ABCA4: variants seen among roughly 807,000 people sequenced by gnomAD.
ABCA4 encodes ATP binding cassette subfamily A member 4.
Under a neutral mutation model 263.7 loss-of-function variants are expected in ABCA4, and 196 were observed. That is an observed-to-expected ratio of 0.74 (90% confidence interval 0.66 to 0.84). The LOEUF (loss-of-function observed/expected upper bound fraction) is 0.84, where lower values mean the gene tolerates loss of function less well. Ranked by LOEUF, ABCA4 falls within the 40% of genes least tolerant of loss-of-function variation. The pLI is 0.00. For missense variants in ABCA4, 2,792 were observed against 2,855.1 expected, an observed-to-expected ratio of 0.98 and a Z score of 0.50; for synonymous variants, 1,133 against 1,094.2, an observed-to-expected ratio of 1.04 and a Z score of -0.70.
At chr1:94,109,145 G>A (rs760091647) in intron 3 of ABCA4, among the ~76,000 whole-genome samples, 4 of 146,240 alleles carry the variant, frequency 2.7e-5, no homozygotes, top group Non-Finnish European at 6.0e-5. Context: ...ATACTGCCAA[G>A]GCAGGAGAAA....
intron 30 of ABCA4, among the ~76,000 whole-genome samples, chr1:94,028,620 C>T (rs944345414): frequency 6.6e-5 from 10 of 152,108 alleles, no homozygotes; most frequent in Non-Finnish European, 1.2e-4. Context: ...TTTAAAGTAA[C>T]TTTAGGCCAG....
At chr1:94,037,609 T>G (rs1660377485) in intron 24 of ABCA4, among the ~76,000 whole-genome samples, 3 of 149,512 alleles carry the variant, frequency 2.0e-5, no homozygotes, top group African/African-American at 4.9e-5. Context: ...GGGGCGGAGG[T>G]TGGTGGGGGG....
intron 31 of ABCA4, among the ~76,000 whole-genome samples, chr1:94,024,475 C>A (rs948521549): frequency 1.3e-5 from 2 of 152,200 alleles, no homozygotes; most frequent in African/African-American, 4.8e-5. Context: ...CTCGCCCTGG[C>A]GTGTGCTGGA....
chr1:94,094,150 AC>A (rs1662052919), intron 6 of ABCA4, among the ~76,000 whole-genome samples: 2 of 152,166 alleles, frequency 1.3e-5, no homozygotes, highest in Admixed American at 6.5e-5. Context: ...GCTTTCCCAG[AC>A]ACTTGACGTA....
At chr1:94,053,342 T>C (rs182192443) in intron 16 of ABCA4, among the ~76,000 whole-genome samples, 143 of 152,294 alleles carry the variant, frequency 9.4e-4, no homozygotes, top group African/African-American at 3.2e-3. Context: ...CAGAATTCAA[T>C]TGAATTCTTG....
chr1:94,099,079 G>A, intron 5 of ABCA4, 88 bp from the exon 6 acceptor site: 1 of 1,354,214 alleles, frequency 7.4e-7, no homozygotes, highest in Non-Finnish European at 1.0e-6. Flanking sequence ...AATACCTTGT[G>A]TTACATGGCG....
chr1:94,043,488 G>C lies in ABCA4; in HGVS notation c.3051-13C>G. On this transcript the variant is annotated splice_polypyrimidine_tract_variant and intron_variant, in intron 20 of 49. Coordinates refer to ENST00000370225, the MANE Select transcript of ABCA4 (RefSeq NM_000350.3). Reference sequence around the variant, plus strand: ...AGCCACCGTGAGGCTAGGAGGATGGGACAACGAGAAAAGCAGTGGCTTAGC... The same window carrying C: ...AGCCACCGTGAGGCTAGGAGGATGGCACAACGAGAAAAGCAGTGGCTTAGC... 1.2e-6 allele frequency: 2 copies of C among 1,614,092 alleles called. No homozygotes were observed. Among genetic ancestry groups the C allele is most frequent in the African/African-American group, 2.7e-5 (2 of 75,034 alleles).
intron 17 of ABCA4, among the ~76,000 whole-genome samples, 186 bp from the exon 18 acceptor site, chr1:94,049,143 T>G (rs1409285969): frequency 6.6e-6 from 1 of 152,174 alleles, no homozygotes; most frequent in Non-Finnish European, 1.5e-5. Context: ...AACAGGAGCT[T>G]CAGACTTGGA....
chr1:94,057,235 A>G (rs895906361), intron 14 of ABCA4, among the ~76,000 whole-genome samples: 1 of 152,176 alleles, frequency 6.6e-6, no homozygotes, highest in Non-Finnish European at 1.5e-5. Flanking sequence ...GCCCTGAACC[A>G]CTTGTGATCT....
intron 16 of ABCA4, among the ~76,000 whole-genome samples, chr1:94,053,505 G>A (rs1660894471): frequency 6.6e-6 from 1 of 152,210 alleles, no homozygotes; most frequent in Non-Finnish European, 1.5e-5. Flanking sequence ...TAGGAACAGG[G>A]TCATTGCAGA....
chr1:94,066,358 G>C (rs1015212185), intron 11 of ABCA4, among the ~76,000 whole-genome samples: 1 of 152,216 alleles, frequency 6.6e-6, no homozygotes, highest in Non-Finnish European at 1.5e-5. Flanking sequence ...AAGATAAGTA[G>C]TCAAATAATC....
intron 7 of ABCA4, among the ~76,000 whole-genome samples, chr1:94,081,111 G>A (rs140719187): frequency 6.6e-6 from 1 of 152,106 alleles, no homozygotes; most frequent in Non-Finnish European, 1.5e-5. Context: ...TGTACTCCCA[G>A]CTATTCGGGA....
intron 1 of ABCA4, 86 bp downstream of exon 1, chr1:94,120,894 C>CCCCCAA: frequency 2.4e-5 from 15 of 625,636 alleles, no homozygotes; most frequent in East Asian, 6.6e-5. Context: ...CCTGCCCCAC[C>CCCCCAA]ACCCTACCCC....
In ABCA4 at chr1:94,007,725, C is replaced by T. The variant is rs61753035; in HGVS notation, c.5914G>A (p.Gly1972Arg). Reference protein sequence around the residue: ...VRPGECFGLLGVNGAGKTTTF... With the variant: ...VRPGECFGLLRVNGAGKTTTF... ...GTTGTTTTGCCGGCACCATTCACTC[C>T]CAGGAGGCCAAAGCACTAGGAGAAA... Residue 1972 changes from glycine (G) to arginine (R), a missense_variant, in exon 43 of 50, where the codon GGA becomes AGA. Transcript: ENST00000370225. 6.2e-7 allele frequency: 1 copy of T among 1,613,892 alleles called. No individual in the cohort carries two copies. Among genetic ancestry groups the T allele is most frequent in the South Asian group, 1.1e-5 (1 of 91,086 alleles).
intron 6 of ABCA4, among the ~76,000 whole-genome samples, chr1:94,089,039 C>T (rs981301826): frequency 3.3e-5 from 5 of 152,202 alleles, no homozygotes; most frequent in African/African-American, 9.7e-5. Flanking sequence ...ATCCCCTCTC[C>T]TTTACTTCTG....
At chr1:94,120,662 C>T (rs941515456) in intron 1 of ABCA4, among the ~76,000 whole-genome samples, 4 of 104,108 alleles carry the variant, frequency 3.8e-5, no homozygotes, top group Admixed American at 3.1e-4. Flanking sequence ...CCCTAGAGAG[C>T]GGTAGACTGG....
chr1:94,111,624 C>A lies in ABCA4; in HGVS notation c.161-45G>T, dbSNP rs61753048. 2 of 1,611,888 alleles carry A rather than the reference C, an allele frequency of 1.2e-6. No individual in the cohort carries two copies. The highest frequency in any genetic ancestry group is 1.7e-6 in the Non-Finnish European group (2 of 1,178,454). ...GACAAGACGGGATTAGTCATGGAGA[C>A]CAAGCAGGATGCAGACCTAGGAGTT... On this transcript the variant is annotated intron_variant, in intron 2 of 49. Coordinates refer to ENST00000370225, the MANE Select transcript of ABCA4 (RefSeq NM_000350.3).
chr1:94,084,876 G>T (rs1465993288), intron 6 of ABCA4, among the ~76,000 whole-genome samples: 2 of 152,118 alleles, frequency 1.3e-5, no homozygotes, highest in African/African-American at 2.4e-5. Context: ...AAGAAGAGTG[G>T]GTGTGAAGGG....
chr1:94,044,949 C>T (rs536817278), intron 19 of ABCA4, among the ~76,000 whole-genome samples: 26 of 152,360 alleles, frequency 1.7e-4, no homozygotes, highest in African/African-American at 6.0e-4. Context: ...CTCTGCCATC[C>T]TTCTCTGCTT....
Sources: gnomAD v4.1 joint callset for allele counts (sites outside exome capture counted in the v4.1 genomes callset) on GRCh38, gnomAD v4.1.1 for gene constraint, MANE v1.5 for transcripts, NCBI Gene and HGNC (gene_info 2026-07-23, HGNC 2026-07-21) for gene names.